ADAMTS18: variants seen among roughly 807,000 people sequenced by gnomAD.
The protein encoded by ADAMTS18 is A disintegrin and metalloproteinase with thrombospondin motifs 18.
ADAMTS18 carries 157 observed loss-of-function variants against 165.9 expected under a neutral mutation model. The ratio of observed to expected loss-of-function variants is 0.95; its 90% CI spans 0.83 to 1.08. The LOEUF is 1.08. Ranked by LOEUF, ADAMTS18 falls within the 50% of genes least tolerant of loss-of-function variation. The probability of loss-of-function intolerance (pLI) is 0.00; values close to 1 mark genes in which losing one functional copy is unlikely to be tolerated. For missense variants in ADAMTS18, 2,040 were observed against 1,534.0 expected (o/e 1.33, Z -5.51); for synonymous variants, 782 against 578.2 (o/e 1.35, Z -5.06).
intron 3 of ADAMTS18, among the ~76,000 whole-genome samples, chr16:77,402,071 G>A (rs961312496): frequency 2.0e-5 from 3 of 152,146 alleles, no homozygotes; most frequent in South Asian, 4.1e-4. Flanking sequence ...ATAGTGGCAC[G>A]AGCCAATCCC....
At chr16:77,362,681 A>ACACT (rs1555519087) in intron 6 of ADAMTS18, among the ~76,000 whole-genome samples, 4 of 151,518 alleles carry the variant, frequency 2.6e-5, no homozygotes, top group East Asian at 3.9e-4. Flanking sequence ...ATCATAGATT[A>ACACT]CAATCAATCA....
intron 9 of ADAMTS18, among the ~76,000 whole-genome samples, chr16:77,354,676 G>A (rs1217559553): frequency 1.3e-5 from 2 of 152,104 alleles, no homozygotes; most frequent in Non-Finnish European, 2.9e-5. Flanking sequence ...GCTCATGAGT[G>A]ACAATGACTC....
intron 3 of ADAMTS18, among the ~76,000 whole-genome samples, chr16:77,373,088 T>C (rs1204478541): frequency 6.6e-6 from 1 of 152,162 alleles, no homozygotes; most frequent in African/African-American, 2.4e-5. Flanking sequence ...TTTTTTTCTT[T>C]CCCCTACAGT....
Position 77,284,044 on chromosome 16 carries a change from T to C in ADAMTS18, c.3578A>G (p.Asn1193Ser), listed in dbSNP as rs777800637. The change falls in exon 23 of 23, where the codon AAC (asparagine) becomes AGC (serine). Residue 1193 changes from asparagine to serine, a missense_variant. Coordinates refer to ENST00000282849, the MANE Select transcript of ADAMTS18 (RefSeq NM_199355.4). ...ATGCTGAGGAACTAGGTGACACCAG[T>C]TGAAGAAATCTACGCAGGATGGATC... ...REDPSCVDFF[N>S]WCHLVPQHGV... 2.5e-6 allele frequency: 4 copies of C among 1,613,742 alleles called. No individual in the cohort carries two copies. The highest frequency in any genetic ancestry group is 1.6e-4 in the Middle Eastern group (1 of 6,082).
chr16:77,432,934 T>C (rs2057755772), intron 2 of ADAMTS18, among the ~76,000 whole-genome samples: 1 of 152,220 alleles, frequency 6.6e-6, no homozygotes, highest in South Asian at 2.1e-4. Context: ...CTTTCATTTT[T>C]ATATTCTTTA....
chr16:77,310,865 C>T (rs1006043128), intron 16 of ADAMTS18, among the ~76,000 whole-genome samples: 1 of 152,076 alleles, frequency 6.6e-6, no homozygotes, highest in African/African-American at 2.4e-5. Context: ...CATGCTCAAG[C>T]AATCCACCTG....
intron 3 of ADAMTS18, among the ~76,000 whole-genome samples, chr16:77,414,569 C>T (rs1052507707): frequency 3.9e-5 from 6 of 152,040 alleles, no homozygotes; most frequent in Non-Finnish European, 7.4e-5. Context: ...TATCGGTTGA[C>T]TTGCATTATA....
chr16:77,334,300 C>T (rs1369629947), intron 12 of ADAMTS18, among the ~76,000 whole-genome samples: 3 of 99,406 alleles, frequency 3.0e-5, no homozygotes, highest in South Asian at 3.1e-4. Context: ...AGTATATATG[C>T]TATATATAAT....
intron 16 of ADAMTS18, among the ~76,000 whole-genome samples, chr16:77,317,763 A>C (rs1333282371): frequency 6.6e-6 from 1 of 152,236 alleles, no homozygotes; most frequent in African/African-American, 2.4e-5. Flanking sequence ...TGCTTTCCCC[A>C]TGAACCACTG....
chr16:77,401,264 CAAT>C, intron 3 of ADAMTS18, among the ~76,000 whole-genome samples: 1 of 152,074 alleles, frequency 6.6e-6, no homozygotes, highest in Non-Finnish European at 1.5e-5. Flanking sequence ...AAAACAACAA[CAAT>C]AACAACAACA....
chr16:77,290,965 C>G, intron 21 of ADAMTS18: 2 of 447,964 alleles, frequency 4.5e-6, no homozygotes, highest in South Asian at 4.7e-5. Context: ...TCCGTAGCAA[C>G]AGCAATGACC....
At chr16:77,285,590 C>T (rs372351068) in intron 22 of ADAMTS18, among the ~76,000 whole-genome samples, 12 of 151,648 alleles carry the variant, frequency 7.9e-5, no homozygotes, top group African/African-American at 2.7e-4. Flanking sequence ...GCCTAAAATT[C>T]CTTTTTATAC....
intron 18 of ADAMTS18, among the ~76,000 whole-genome samples, chr16:77,295,681 G>C (rs10459866): frequency 0.11 from 16,415 of 152,126 alleles, 1,222 homozygotes; most frequent in Admixed American, 0.22. Context: ...TCTCACAGAG[G>C]ATATTTTTAA....
At chr16:77,365,118 C>T (rs192591367) in intron 4 of ADAMTS18, among the ~76,000 whole-genome samples, 1 of 152,108 alleles carries the variant, frequency 6.6e-6, no homozygotes, top group African/African-American at 2.4e-5. Context: ...AAACACCCAA[C>T]CACACCTACG....
intron 10 of ADAMTS18, among the ~76,000 whole-genome samples, chr16:77,347,127 C>T (rs992135354): frequency 6.6e-6 from 1 of 152,250 alleles, no homozygotes. Context: ...ATAGTTCATT[C>T]TTCTTTATTG....
At chr16:77,387,076 C>A (rs1186511494) in intron 3 of ADAMTS18, among the ~76,000 whole-genome samples, 3 of 152,172 alleles carry the variant, frequency 2.0e-5, no homozygotes, top group Non-Finnish European at 4.4e-5. Context: ...GATTCAGATG[C>A]AGAGGGACAT....
intron 10 of ADAMTS18, among the ~76,000 whole-genome samples, 181 bp from the exon 11 acceptor site, chr16:77,341,980 G>C (rs560164521): frequency 6.6e-6 from 1 of 152,178 alleles, no homozygotes. Context: ...CTATATAAGT[G>C]GGGGGTTTCT....
intron 8 of ADAMTS18, 148 bp downstream of exon 8, chr16:77,359,170 G>A (rs2056673982): frequency 1.4e-6 from 1 of 733,490 alleles, no homozygotes; most frequent in Non-Finnish European, 2.3e-6. Context: ...AGCCTTTAGT[G>A]AGCCCTTTGT....
intron 12 of ADAMTS18, among the ~76,000 whole-genome samples, chr16:77,330,177 T>C (rs1194390956): frequency 6.6e-6 from 1 of 152,180 alleles, no homozygotes; most frequent in African/African-American, 2.4e-5. Flanking sequence ...ATTCAATTAT[T>C]CTTCTGGGGC....
Sources: gnomAD v4.1 joint callset for allele counts (sites outside exome capture counted in the v4.1 genomes callset) on GRCh38, gnomAD v4.1.1 for gene constraint, MANE v1.5 for transcripts, NCBI Gene and HGNC (gene_info 2026-07-23, HGNC 2026-07-21) for gene names.